Variants in BRWD1 observed in about 807,000 individuals in gnomAD.
BRWD1 encodes the protein bromodomain and WD repeat-containing protein 1.
A neutral mutation model predicts 251.2 loss-of-function variants in BRWD1; 82 were observed. The observed-to-expected ratio is 0.33, with a 90% confidence interval of 0.27 to 0.39. The LOEUF is 0.39. Ranked by LOEUF, BRWD1 falls within the 10% of genes least tolerant of loss-of-function variation. BRWD1 has a pLI of 1.00. For missense variants in BRWD1, 2,233 were observed against 2,711.6 expected (o/e 0.82, Z 3.92); for synonymous variants, 918 against 902.8 (o/e 1.02, Z -0.30).
intron 4 of BRWD1, among the ~76,000 whole-genome samples, chr21:39,306,792 T>C (rs1242887994): frequency 6.6e-6 from 1 of 152,262 alleles, no homozygotes; most frequent in African/African-American, 2.4e-5. Context: ...AAATCTTATT[T>C]ATAAATCCAG....
At chr21:39,228,241 TCA>T (rs2033462096) in intron 27 of BRWD1, among the ~76,000 whole-genome samples, 1 of 152,072 alleles carries the variant, frequency 6.6e-6, no homozygotes, top group African/African-American at 2.4e-5. Flanking sequence ...TGAGCTGAGA[TCA>T]CACCATTGCA....
At position 39,225,121 on chromosome 21, in the gene BRWD1, C is replaced by T. The variant is rs761217263; in HGVS notation, c.3285G>A (p.Gln1095=). The T allele has an allele frequency of 1.2e-6, 2 of 1,612,494 alleles. No individual in the cohort carries two copies. The highest frequency in any genetic ancestry group is 1.7e-6 in the Non-Finnish European group (2 of 1,178,676). ...TVLSQEPYQP[Q]YPDSHFQCYI... ...AACACTGGAAATGACTATCAGGATA[C>T]TGTGGTTGATATGGCTCTTGACTTA... The change falls in exon 28 of 41, where the codon CAG becomes CAA. Residue 1095 remains glutamine (Q), a synonymous_variant. Transcript: ENST00000342449.
At position 39,313,074 on chromosome 21, in the gene BRWD1, G is replaced by T. The variant is rs971809566; in HGVS notation, c.136C>A (p.Gln46Lys). Residue 46 changes from glutamine to lysine, a missense_variant and splice_region_variant, in exon 3 of 41, where the codon CAG becomes AAG. Around this residue, in one of 12 missense-constraint regions of BRWD1, gnomAD observed 101 missense variants for 95.6 expected, o/e 1.06. Coordinates refer to ENST00000342449, the MANE Select transcript of BRWD1 (RefSeq NM_033656.4). ...CGCGGGGACGGGCGCGCACAGACCT[G>T]GTACTGCTCCAGCTCCTGCACCAGC... is the stretch of plus-strand genomic sequence containing the variant. ...QVLVQELEQY[Q>K]LLPKRLDWEG... The T allele has an allele frequency of 1.4e-6, 2 of 1,481,060 alleles. No individual in the cohort carries two copies. The highest frequency in any genetic ancestry group is 1.3e-5 in the South Asian group (1 of 77,560). 91.7% of individuals were successfully genotyped at this position (1,481,060 alleles called of 1,614,324 possible). A position where few individuals can be genotyped will look rare whatever the true frequency, so the allele number is the denominator to read the frequency against.
chr21:39,279,565 GGAGGCAGAGGCTGCAGTGAGCC>G (rs2035383979), intron 9 of BRWD1, among the ~76,000 whole-genome samples: 1 of 148,756 alleles, frequency 6.7e-6, no homozygotes, highest in African/African-American at 2.5e-5. Context: ...CTTGAACCCA[GGAGGCAGAGGCTGCAGTGAGCC>G]GAGATCACGC....
intron 21 of BRWD1, among the ~76,000 whole-genome samples, chr21:39,245,601 GTTT>G (rs11298805): frequency 1.7e-5 from 2 of 118,780 alleles, no homozygotes; most frequent in Admixed American, 8.5e-5. Flanking sequence ...TTTTTTTTTG[GTTT>G]TTTTTTTTTT....
rs1361911783 is a variant in BRWD1, at chr21:39,192,649, A to C, written c.*3610T>G. On this transcript the variant is annotated 3_prime_UTR_variant, in exon 41 of 41. Transcript: ENST00000342449. Reference sequence around the variant, plus strand: ...TAAATATATCAACTTACTATTCATGAAAAGAATGGAGCTGGTTATTTCAGC... The same window carrying C: ...TAAATATATCAACTTACTATTCATGCAAAGAATGGAGCTGGTTATTTCAGC... 1.0e-6 allele frequency: 1 copy of C among 984,948 alleles called. No homozygotes were observed. Among genetic ancestry groups the C allele is most frequent in the East Asian group, 1.1e-4 (1 of 8,824 alleles). 61.0% of individuals were successfully genotyped at this position (984,948 alleles called of 1,614,324 possible).
intron 8 of BRWD1, among the ~76,000 whole-genome samples, chr21:39,281,713 T>C (rs2035462686): frequency 6.6e-6 from 1 of 151,728 alleles, no homozygotes; most frequent in African/African-American, 2.4e-5. Flanking sequence ...GCCTGTAACA[T>C]AAAAAGTAGG....
chr21:39,189,109 T>C lies in BRWD1; in HGVS notation c.*7150A>G. 6.1e-6 allele frequency: 6 copies of C among 984,012 alleles called. No homozygotes were observed. The highest frequency in any genetic ancestry group is 7.2e-6 in the Non-Finnish European group (6 of 828,624). The allele number at this position is 984,012 out of a possible 1,614,324, so 61.0% of individuals were successfully genotyped here. On this transcript the variant is annotated 3_prime_UTR_variant, in exon 41 of 41. Coordinates refer to ENST00000342449, the MANE Select transcript of BRWD1 (RefSeq NM_033656.4). The stretch of plus-strand genomic sequence containing the variant: ...ATGAATCTTTAACACATTAAATCAA[T>C]GTTAGCAAATGCTAAAATGTAAATA...
In BRWD1 at chr21:39,202,329, T is replaced by C; in HGVS notation, c.4581A>G (p.Leu1527=). ...RNRPITNGST[L]SESEVEDSLA... Reference sequence around the variant, plus strand: ...ACATAGTATTTCACTTCTCACCAGATAATGTAGAACCATTTGTTATAGGTC... The same window carrying C: ...ACATAGTATTTCACTTCTCACCAGACAATGTAGAACCATTTGTTATAGGTC... Residue 1527 remains leucine, a synonymous_variant, in exon 38 of 41, where the codon TTA becomes TTG. Coordinates refer to ENST00000342449, the MANE Select transcript of BRWD1 (RefSeq NM_033656.4). 1 of 1,606,988 alleles carries C rather than the reference T, an allele frequency of 6.2e-7. No homozygotes were observed. Among genetic ancestry groups the C allele is most frequent in the South Asian group, 1.1e-5 (1 of 90,744 alleles).
intron 6 of BRWD1, 129 bp from the exon 7 acceptor site, chr21:39,296,032 T>A: frequency 2.5e-6 from 2 of 784,490 alleles, no homozygotes; most frequent in South Asian, 3.3e-5. Flanking sequence ...CACAATTTCT[T>A]CCCAATTCTA....
chr21:39,319,694 G>A (rs946252271), intron 1 of BRWD1, among the ~76,000 whole-genome samples: 6 of 152,132 alleles, frequency 3.9e-5, no homozygotes, highest in African/African-American at 1.4e-4. Flanking sequence ...GAGCATGCCT[G>A]TGAAGCTCGC....
intron 21 of BRWD1, among the ~76,000 whole-genome samples, chr21:39,245,759 C>T (rs1462679699): frequency 1.3e-5 from 2 of 152,110 alleles, no homozygotes; most frequent in South Asian, 2.1e-4. Flanking sequence ...ACCACCACGT[C>T]AAACTAAATT....
At chr21:39,256,070 C>T (rs367658349) in intron 18 of BRWD1, among the ~76,000 whole-genome samples, 2 of 152,202 alleles carry the variant, frequency 1.3e-5, no homozygotes, top group East Asian at 1.9e-4. Context: ...CTCTTAACCA[C>T]GGCTTCCCAA....
At chr21:39,260,292 A>G (rs1274512236) in intron 17 of BRWD1, among the ~76,000 whole-genome samples, 2 of 151,312 alleles carry the variant, frequency 1.3e-5, no homozygotes, top group African/African-American at 4.8e-5. Flanking sequence ...CTAAGGCTAT[A>G]TAACTTTTCT....
At chr21:39,237,987 AG>A (rs752875177) in intron 22 of BRWD1, among the ~76,000 whole-genome samples, 44 of 152,112 alleles carry the variant, frequency 2.9e-4, no homozygotes, top group Non-Finnish European at 5.9e-5. Flanking sequence ...TCTGAGTGAT[AG>A]GAAGGAGAAT....
chr21:39,200,520 T>C, intron 38 of BRWD1, 134 bp from the exon 39 acceptor site: 2 of 750,728 alleles, frequency 2.7e-6, no homozygotes, highest in South Asian at 3.4e-5. Flanking sequence ...TTAGAATATA[T>C]TTTTTAAAAA....
intron 8 of BRWD1, among the ~76,000 whole-genome samples, chr21:39,288,113 T>G (rs1258853924): frequency 6.6e-6 from 1 of 152,284 alleles, no homozygotes; most frequent in South Asian, 2.1e-4. Flanking sequence ...GCTTCCAAAA[T>G]GGCTTATTCA....
intron 4 of BRWD1, among the ~76,000 whole-genome samples, chr21:39,303,567 G>T (rs4818015): frequency 0.6 from 88,723 of 147,828 alleles, 26,755 homozygotes; most frequent in Admixed American, 0.66. Flanking sequence ...AAAAGGAATA[G>T]TTAGGCCAGG....
At position 39,189,645 on chromosome 21, in the gene BRWD1, G is replaced by A; in HGVS notation, c.*6614C>T. ...TAAAACAGGAATTTCAGAGAATAAG[G>A]ATAAAAACAATCTGAGGAAGACAAA... On this transcript the variant is annotated 3_prime_UTR_variant, in exon 41 of 41. Coordinates refer to ENST00000342449, the MANE Select transcript of BRWD1 (RefSeq NM_033656.4). 1 of 981,270 alleles carries A rather than the reference G, an allele frequency of 1.0e-6. No individual in the cohort carries two copies. The highest frequency in any genetic ancestry group is 1.2e-6 in the Non-Finnish European group (1 of 826,262). The allele number at this position is 981,270 out of a possible 1,614,324, so 60.8% of individuals were successfully genotyped here. A position where few individuals can be genotyped will look rare whatever the true frequency, so the allele number is the denominator to read the frequency against.
Sources: gnomAD v4.1 joint callset for allele counts (sites outside exome capture counted in the v4.1 genomes callset) on GRCh38, gnomAD v4.1.1 for gene constraint, gnomAD v4.1.1 regional missense constraint, MANE v1.5 for transcripts, NCBI Gene and HGNC (gene_info 2026-07-23, HGNC 2026-07-21) for gene names.